The following BORCS5 variants were observed in gnomAD, a reference collection of about 807,000 sequenced individuals.
The protein encoded by BORCS5 is BLOC-1 related complex subunit 5.
BORCS5 carries 17 observed loss-of-function variants against 22.1 expected under a neutral mutation model. The observed-to-expected ratio is 0.77, with a 90% CI of 0.53 to 1.15. The LOEUF (loss-of-function observed/expected upper bound fraction) is 1.15, where lower values mean the gene tolerates loss of function less well. Ranked by LOEUF, BORCS5 falls within the 50% of genes most tolerant of loss-of-function variation. The pLI, the probability that BORCS5 is intolerant of heterozygous loss-of-function variation, is 0.00. For synonymous variants in BORCS5, 117 were observed against 99.8 expected (o/e 1.17, Z -1.03); for missense variants, 247 against 253.2 (o/e 0.98, Z 0.17).
intron 1 of BORCS5, among the ~76,000 whole-genome samples, chr12:12,360,900 T>C (rs2136013714): frequency 6.6e-6 from 1 of 152,300 alleles, no homozygotes; most frequent in East Asian, 1.9e-4. Context: ...TTTGTGTTTT[T>C]AGTAGAGACA....
chr12:12,437,878 T>A (rs1592127714), intron 3 of BORCS5, among the ~76,000 whole-genome samples: 2 of 152,096 alleles, frequency 1.3e-5, no homozygotes, highest in East Asian at 1.9e-4. Flanking sequence ...TTCTCCAACC[T>A]CAGCTTCCTG....
chr12:12,413,638 A>G (rs1194893690), intron 2 of BORCS5, among the ~76,000 whole-genome samples: 1 of 129,930 alleles, frequency 7.7e-6, no homozygotes, highest in Non-Finnish European at 1.6e-5. Context: ...GGGGCTCCTC[A>G]CTTCCCAGTA....
intron 2 of BORCS5, among the ~76,000 whole-genome samples, chr12:12,371,331 C>T (rs563603328): frequency 1.9e-4 from 29 of 152,140 alleles, no homozygotes; most frequent in Admixed American, 3.9e-4. Flanking sequence ...CTTGCCCTTT[C>T]ACCCTGGCTG....
intron 2 of BORCS5, among the ~76,000 whole-genome samples, chr12:12,413,225 C>T (rs1183679827): frequency 1.2e-4 from 11 of 90,264 alleles, no homozygotes; most frequent in African/African-American, 5.1e-4. Flanking sequence ...GAGGACCCTG[C>T]GGCCTTCCGC....
At chr12:12,372,057 A>C (rs1258507438) in intron 2 of BORCS5, among the ~76,000 whole-genome samples, 1 of 151,508 alleles carries the variant, frequency 6.6e-6, no homozygotes, top group East Asian at 1.9e-4. Context: ...TTTTATTTTT[A>C]AGAGGGAGTT....
chr12:12,393,120 C>T (rs1941238193), intron 2 of BORCS5, among the ~76,000 whole-genome samples: 1 of 152,000 alleles, frequency 6.6e-6, no homozygotes, highest in Admixed American at 6.5e-5. Context: ...CCTGTAGTCC[C>T]AGCTACTTGG....
rs1264686946 is a variant in BORCS5, at chr12:12,430,234, TC to T, written c.203-5393del. Among the ~76,000 whole-genome samples the T allele has an allele frequency of 2.7e-5, 4 of 145,484 alleles. No individual in the cohort carries two copies. In the East Asian group the frequency reaches 8.2e-4, roughly 30 times the overall value. On this transcript the variant is annotated intron_variant, in intron 2 of 3. Transcript: ENST00000314565. Reference sequence around the variant, plus strand: ...GGCAAGATCTCGGCTCACTGCAAGCTCTGCCTCCTGGGTTCACGCCATTCTC... The same window carrying T: ...GGCAAGATCTCGGCTCACTGCAAGCTTGCCTCCTGGGTTCACGCCATTCTC...
chr12:12,429,338 A>G (rs1017961361), intron 2 of BORCS5, among the ~76,000 whole-genome samples: 3 of 152,158 alleles, frequency 2.0e-5, no homozygotes, highest in African/African-American at 4.8e-5. Flanking sequence ...ATTGTGTTCA[A>G]TGCCTCTAGA....
At chr12:12,443,085 G>A (rs1225666519) in intron 3 of BORCS5, among the ~76,000 whole-genome samples, 2 of 152,238 alleles carry the variant, frequency 1.3e-5, no homozygotes, top group Admixed American at 6.5e-5. Flanking sequence ...CCTGGTTAGC[G>A]TGAGCTGTTG....
intron 3 of BORCS5, among the ~76,000 whole-genome samples, chr12:12,453,457 C>T (rs951291678): frequency 2.0e-5 from 3 of 152,146 alleles, no homozygotes; most frequent in African/African-American, 7.2e-5. Context: ...TACTTAGCCT[C>T]AACAATTTGT....
chr12:12,369,115 CTA>C (rs961512061), intron 2 of BORCS5, among the ~76,000 whole-genome samples: 6 of 152,062 alleles, frequency 3.9e-5, no homozygotes, highest in Admixed American at 2.6e-4. Flanking sequence ...TTTTGAAAGT[CTA>C]TTATTAGGCA....
chr12:12,444,120 A>G lies in BORCS5; in HGVS notation c.360+8335A>G, dbSNP rs942729692. 6.8e-4 allele frequency among the ~76,000 whole-genome samples: 103 copies of G among 152,242 alleles called. 1 individual carries two copies. The highest frequency in any genetic ancestry group is 2.4e-3 in the African/African-American group (100 of 41,452). On this transcript the variant is annotated intron_variant, in intron 3 of 3. Coordinates refer to ENST00000314565, the MANE Select transcript of BORCS5 (RefSeq NM_058169.6). ...ATGCCTGGCATGTAGTAGATGTTGA[A>G]TAAATACTTGTTTAATGAACAACTT...
chr12:12,442,190 C>T (rs138165579), intron 3 of BORCS5, among the ~76,000 whole-genome samples: 3 of 150,720 alleles, frequency 2.0e-5, no homozygotes, highest in Non-Finnish European at 4.4e-5. Flanking sequence ...CTGGGTCTTA[C>T]TTCTGCCTCA....
At chr12:12,456,311 G>C (rs1217715915) in intron 3 of BORCS5, among the ~76,000 whole-genome samples, 2 of 152,164 alleles carry the variant, frequency 1.3e-5, no homozygotes, top group Non-Finnish European at 2.9e-5. Flanking sequence ...TGTGCCTGTA[G>C]TCTCAGCTAC....
chr12:12,378,645 A>G (rs1863709574), intron 2 of BORCS5, among the ~76,000 whole-genome samples: 1 of 151,458 alleles, frequency 6.6e-6, no homozygotes, highest in African/African-American at 2.4e-5. Flanking sequence ...TGGGTCCTGG[A>G]TTGGGTCCTA....
At position 12,471,199 on chromosome 12, in the gene BORCS5, GC is replaced by G. The variant is rs946464936; in HGVS notation, c.*5424del. 2.1e-4 allele frequency among the ~76,000 whole-genome samples: 32 copies of G among 152,284 alleles called. No individual in the cohort carries two copies. Among genetic ancestry groups the G allele is most frequent in the African/African-American group, 7.7e-4 (32 of 41,546 alleles). On this transcript the variant is annotated 3_prime_UTR_variant, in exon 4 of 4. Coordinates refer to ENST00000314565, the MANE Select transcript of BORCS5 (RefSeq NM_058169.6). ...TACATAAGTGCATATTGCTGTCTCT[GC>G]AAATAAAGTACAACAATATGACTGA...
intron 3 of BORCS5, among the ~76,000 whole-genome samples, chr12:12,451,503 G>A (rs1020912725): frequency 3.9e-5 from 6 of 151,944 alleles, no homozygotes; most frequent in African/African-American, 4.8e-5. Context: ...GAGGCATGCC[G>A]TAGGTAGGCA....
intron 3 of BORCS5, among the ~76,000 whole-genome samples, chr12:12,454,634 A>C (rs1372317149): frequency 6.6e-6 from 1 of 152,202 alleles, no homozygotes; most frequent in Non-Finnish European, 1.5e-5. Context: ...CTTTATATAA[A>C]ATATGTAGCA....
intron 3 of BORCS5, among the ~76,000 whole-genome samples, chr12:12,460,397 AT>A (rs1346276348): frequency 2.0e-5 from 3 of 152,200 alleles, no homozygotes; most frequent in African/African-American, 7.2e-5. Context: ...TTTTTAGTAG[AT>A]TTTTAAAGAT....
Sources: gnomAD v4.1 joint callset for allele counts (sites outside exome capture counted in the v4.1 genomes callset) on GRCh38, gnomAD v4.1.1 for gene constraint, MANE v1.5 for transcripts, NCBI Gene and HGNC (gene_info 2026-07-23, HGNC 2026-07-21) for gene names.